The following DYRK1A variants were observed in gnomAD, a reference collection of about 807,000 sequenced individuals.
DYRK1A encodes the protein dual specificity tyrosine phosphorylation regulated kinase 1A.
A neutral mutation model predicts 79.7 loss-of-function variants in DYRK1A; 9 were observed. The ratio of observed to expected loss-of-function variants is 0.11; its 90% CI spans 0.07 to 0.20. The LOEUF is 0.20. Ranked by LOEUF, DYRK1A falls within the 10% of genes least tolerant of loss-of-function variation. The pLI is 1.00. For synonymous variants in DYRK1A, 349 were observed against 329.7 expected, an observed-to-expected ratio of 1.06 and a Z score of -0.63; for missense variants, 622 against 956.0, an observed-to-expected ratio of 0.65 and a Z score of 4.61.
chr21:37,380,560 G>C lies in DYRK1A; in HGVS notation c.-77+12932G>C, dbSNP rs547456499. On this transcript the variant is annotated intron_variant, in intron 1 of 11. Coordinates refer to ENST00000647188, the MANE Select transcript of DYRK1A (RefSeq NM_001347721.2). The stretch of plus-strand genomic sequence containing the variant: ...AAGCCAGGCGTTTTAAGATTCACGG[G>C]AGACAGTTTGTAGGAAGGCTGTTTG... Among the ~76,000 whole-genome samples, 14 of 152,256 alleles carry C rather than the reference G, an allele frequency of 9.2e-5. No homozygotes were observed. The South Asian group carries it at 2.9e-3, about 32-fold the overall frequency.
chr21:37,379,987 A>C (rs759646770), intron 1 of DYRK1A, among the ~76,000 whole-genome samples: 2 of 152,196 alleles, frequency 1.3e-5, no homozygotes, highest in African/African-American at 2.4e-5. Context: ...ATAGTTCTTG[A>C]GTAGGCCTAA....
At chr21:37,437,650 CT>C in intron 2 of DYRK1A, among the ~76,000 whole-genome samples, 1 of 152,150 alleles carries the variant, frequency 6.6e-6, no homozygotes, top group Non-Finnish European at 1.5e-5. Flanking sequence ...GGTTTTAGTT[CT>C]TTTGAGAGTC....
intron 1 of DYRK1A, among the ~76,000 whole-genome samples, chr21:37,376,792 A>G (rs1425128567): frequency 6.6e-6 from 1 of 151,958 alleles, no homozygotes; most frequent in African/African-American, 2.4e-5. Flanking sequence ...AGGATATTCT[A>G]GTTTTTAAAG....
intron 1 of DYRK1A, among the ~76,000 whole-genome samples, chr21:37,375,994 G>T (rs561173619): frequency 3.3e-5 from 5 of 151,940 alleles, no homozygotes; most frequent in African/African-American, 1.2e-4. Context: ...GAAACCGCAG[G>T]CCCCACAAGC....
At chr21:37,407,157 C>G (rs2835717) in intron 1 of DYRK1A, among the ~76,000 whole-genome samples, 84,389 of 151,844 alleles carry the variant, frequency 0.56, 24,181 homozygotes, top group African/African-American at 0.7. Context: ...TTTGGGAGTA[C>G]AACTGTTTCG....
intron 1 of DYRK1A, among the ~76,000 whole-genome samples, chr21:37,373,753 A>G (rs1416742873): frequency 2.0e-5 from 3 of 152,220 alleles, no homozygotes; most frequent in African/African-American, 7.2e-5. Flanking sequence ...TCATGTGGCC[A>G]TGTTTAGATA....
In DYRK1A at chr21:37,367,246, C is replaced by A; in HGVS notation, c.-459C>A. On this transcript the variant is annotated 5_prime_UTR_variant, in exon 1 of 12. Coordinates refer to ENST00000647188, the MANE Select transcript of DYRK1A (RefSeq NM_001347721.2). ...CCCGGCGCTTCTCGCTGCGCAGGTT[C>A]GGAGCGCGCGCCATTTTGTGAGATT... 6.6e-6 allele frequency: 1 copy of A among 151,834 alleles called. No individual in the cohort carries two copies. Among genetic ancestry groups the A allele is most frequent in the South Asian group, 2.1e-4 (1 of 4,838 alleles). 9.4% of individuals were successfully genotyped at this position (151,834 alleles called of 1,614,324 possible). A position where few individuals can be genotyped will look rare whatever the true frequency, so the allele number is the denominator to read the frequency against.
intron 9 of DYRK1A, among the ~76,000 whole-genome samples, chr21:37,496,982 A>G (rs1397852654): frequency 6.6e-6 from 1 of 152,134 alleles, no homozygotes; most frequent in African/African-American, 2.4e-5. Flanking sequence ...CATGTTTTGT[A>G]ATTTACTTTG....
At chr21:37,398,196 T>C (rs989628907) in intron 1 of DYRK1A, among the ~76,000 whole-genome samples, 2 of 151,062 alleles carry the variant, frequency 1.3e-5, no homozygotes, top group African/African-American at 4.9e-5. Flanking sequence ...ACAAAATAGT[T>C]AGCCTGGCAC....
At chr21:37,485,525 A>G (rs2052827313) in intron 5 of DYRK1A, among the ~76,000 whole-genome samples, 1 of 152,158 alleles carries the variant, frequency 6.6e-6, no homozygotes, top group South Asian at 2.1e-4. Flanking sequence ...TCCTGACCTT[A>G]TGGTTTCATC....
Position 37,512,361 on chromosome 21 carries a change from C to A in DYRK1A, c.2095C>A (p.Pro699Thr), listed in dbSNP as rs755442210. ...MDVNLTVYSN[P>T]RQETGIAGHP... ...CGTTAATTTGACCGTCTACTCCAAT[C>A]CCCGCCAAGAGACTGGCATAGCTGG... Residue 699 changes from proline (P) to threonine (T), a missense_variant, in exon 12 of 12, where the codon CCC (proline) becomes ACC (threonine). Pro to Thr is a conservative substitution (Grantham distance 38). Around this residue, in one of 5 missense-constraint regions of DYRK1A, gnomAD observed 292 missense variants for 316.7 expected, o/e 0.92. Coordinates refer to ENST00000647188, the MANE Select transcript of DYRK1A (RefSeq NM_001347721.2). The A allele has an allele frequency of 6.2e-7, 1 of 1,614,236 alleles. No homozygotes were observed. The highest frequency in any genetic ancestry group is 1.3e-5 in the African/African-American group (1 of 75,058).
Position 37,521,014 on chromosome 21 carries a change from G to C in DYRK1A, c.*8483G>C, listed in dbSNP as rs1342579864. 1 of 152,258 alleles carries C rather than the reference G, an allele frequency of 6.6e-6. No individual in the cohort carries two copies. Among genetic ancestry groups the C allele is most frequent in the South Asian group, 2.1e-4 (1 of 4,832 alleles). The allele number at this position is 152,258 out of a possible 1,614,324, so 9.4% of individuals were successfully genotyped here. Reference sequence around the variant, plus strand: ...AGAGACGGGCTACCTCTTTCTGTAGGCGGATGTTTCTGAAGGCATCTCCCA... The same window carrying C: ...AGAGACGGGCTACCTCTTTCTGTAGCCGGATGTTTCTGAAGGCATCTCCCA... On this transcript the variant is annotated 3_prime_UTR_variant, in exon 12 of 12. Transcript: ENST00000647188.
intron 5 of DYRK1A, 83 bp downstream of exon 5, chr21:37,480,909 G>T: frequency 8.8e-7 from 1 of 1,136,732 alleles, no homozygotes; most frequent in South Asian, 1.7e-5. Context: ...TTCCTCAAGA[G>T]TGTACTTTTA....
At chr21:37,420,157 T>A (rs2148426956) in intron 1 of DYRK1A, 142 bp from the exon 2 acceptor site, 1 of 366,238 alleles carries the variant, frequency 2.7e-6, no homozygotes, top group African/African-American at 2.1e-5. Context: ...AATTTAAGTT[T>A]GAATGTTAGA....
chr21:37,368,090 G>C (rs2049352188), intron 1 of DYRK1A: 1 of 152,946 alleles, frequency 6.5e-6, no homozygotes, highest in Non-Finnish European at 1.5e-5. Flanking sequence ...GCTGCCGGGT[G>C]GGCGAGGACG....
intron 1 of DYRK1A, among the ~76,000 whole-genome samples, chr21:37,388,943 C>CA (rs1026632390): frequency 5.3e-5 from 8 of 150,514 alleles, no homozygotes; most frequent in African/African-American, 2.0e-4. Context: ...TGCGCCCAGC[C>CA]AAAAAAGTTT....
intron 8 of DYRK1A, among the ~76,000 whole-genome samples, chr21:37,495,405 C>T: frequency 6.6e-6 from 1 of 152,132 alleles, no homozygotes; most frequent in Admixed American, 6.5e-5. Flanking sequence ...CACCTGTAAT[C>T]CCAGCACTTT....
rs558248770 is a variant in DYRK1A, at chr21:37,447,280, A to G, written c.11-25404A>G. ...GATCTTATGTTATAGTTGGGGGGAA[A>G]GTGACAATGACACACCCCATGTAAC... On this transcript the variant is annotated intron_variant, in intron 2 of 11. Transcript: ENST00000647188. 2.6e-5 allele frequency among the ~76,000 whole-genome samples: 4 copies of G among 152,254 alleles called. No homozygotes were observed. In the South Asian group the frequency reaches 6.2e-4, roughly 24 times the overall value.
chr21:37,371,796 G>A (rs941927388), intron 1 of DYRK1A, among the ~76,000 whole-genome samples: 1 of 151,932 alleles, frequency 6.6e-6, no homozygotes, highest in Non-Finnish European at 1.5e-5. Flanking sequence ...TTTTGGGGGG[G>A]GCCCAGTGAA....
Sources: allele counts gnomAD v4.1 joint callset (sites outside exome capture counted in the v4.1 genomes callset), GRCh38; gene constraint gnomAD v4.1.1; regional missense constraint gnomAD v4.1.1; transcripts MANE v1.5; gene names NCBI Gene and HGNC (gene_info 2026-07-23, HGNC 2026-07-21).